Variants in HDAC9 observed in about 807,000 individuals in gnomAD.
The protein encoded by HDAC9 is MEF-2 interacting transcription repressor (MITR) protein.
Under a neutral mutation model 139.4 loss-of-function variants are expected in HDAC9, and 41 were observed. The observed-to-expected ratio is 0.29, with a 90% CI of 0.23 to 0.38. The LOEUF (loss-of-function observed/expected upper bound fraction) is 0.38, where lower values mean the gene tolerates loss of function less well. HDAC9 is among the 10% of genes least tolerant of loss of function. The pLI is 1.00. For synonymous variants in HDAC9, 517 were observed against 476.2 expected (o/e 1.09, Z -1.12); for missense variants, 1,147 against 1,297.0 (o/e 0.88, Z 1.78).
At chr7:18,519,980 C>T (rs1400662890) in intron 2 of HDAC9, among the ~76,000 whole-genome samples, 2 of 151,860 alleles carry the variant, frequency 1.3e-5, no homozygotes, top group South Asian at 2.1e-4. Context: ...GTATACAGTA[C>T]ATATAGCATA....
intron 1 of HDAC9, among the ~76,000 whole-genome samples, chr7:18,304,139 G>T (rs148435171): frequency 1.3e-5 from 2 of 152,304 alleles, no homozygotes; most frequent in African/African-American, 4.8e-5. Flanking sequence ...TGGTACTATT[G>T]TGAGATTATA....
At chr7:18,708,710 C>T (rs1316704106) in intron 12 of HDAC9, among the ~76,000 whole-genome samples, 10 of 152,068 alleles carry the variant, frequency 6.6e-5, no homozygotes, top group South Asian at 2.1e-4. Context: ...GAATATTGGA[C>T]GGCAAGATTC....
chr7:18,320,112 G>A (rs371994573), intron 1 of HDAC9, among the ~76,000 whole-genome samples: 28 of 152,256 alleles, frequency 1.8e-4, no homozygotes, highest in Non-Finnish European at 2.9e-4. Flanking sequence ...CAGCAAATCC[G>A]TGGATGAAAT....
chr7:18,926,965 C>G (rs974323696), intron 22 of HDAC9, among the ~76,000 whole-genome samples: 1 of 152,026 alleles, frequency 6.6e-6, no homozygotes, highest in African/African-American at 2.4e-5. Flanking sequence ...TGGTAATAAT[C>G]TCCATATTTC....
At chr7:18,779,183 A>G (rs10280633) in intron 16 of HDAC9, among the ~76,000 whole-genome samples, 116,882 of 152,010 alleles carry the variant, frequency 0.77, 45,632 homozygotes, top group Non-Finnish European at 0.83. Context: ...CTTCCTTCCA[A>G]TGTTGAACAA....
At chr7:18,401,585 G>C (rs771780791) in intron 1 of HDAC9, among the ~76,000 whole-genome samples, 9 of 152,200 alleles carry the variant, frequency 5.9e-5, no homozygotes, top group Non-Finnish European at 1.0e-4. Context: ...TGCCTCAGCA[G>C]AACTGGATAG....
chr7:18,290,299 G>A (rs528229112), upstream of HDAC9: 2 of 358,286 alleles, frequency 5.6e-6, no homozygotes, highest in East Asian at 1.5e-4. Flanking sequence ...AAGTCGTTCA[G>A]TAGCAGGGCA....
chr7:18,608,753 ATAAATAT>A, intron 6 of HDAC9, among the ~76,000 whole-genome samples: 1 of 152,316 alleles, frequency 6.6e-6, no homozygotes, highest in African/African-American at 2.4e-5. Flanking sequence ...GGGCCTGGAC[ATAAATAT>A]TAAATAAACC....
At chr7:18,393,751 T>C (rs1562947738) in intron 1 of HDAC9, among the ~76,000 whole-genome samples, 1 of 152,188 alleles carries the variant, frequency 6.6e-6, no homozygotes, top group Non-Finnish European at 1.5e-5. Context: ...TTTGATTTTT[T>C]GTGTTTTGTG....
At chr7:18,413,733 G>C (rs1788787485) in intron 1 of HDAC9, among the ~76,000 whole-genome samples, 1 of 152,076 alleles carries the variant, frequency 6.6e-6, no homozygotes, top group Admixed American at 6.5e-5. Context: ...TCACTATTCT[G>C]TATACTGTAC....
upstream of HDAC9, among the ~76,000 whole-genome samples, chr7:18,289,925 C>T (rs1410194668): frequency 6.6e-6 from 1 of 151,988 alleles, no homozygotes. Context: ...TAGTAAGCTT[C>T]AGAGAAAGAA....
intron 2 of HDAC9, among the ~76,000 whole-genome samples, chr7:18,284,093 C>G (rs1797279110): frequency 6.6e-6 from 1 of 152,066 alleles, no homozygotes; most frequent in Non-Finnish European, 1.5e-5. Context: ...ATAAAGAAGT[C>G]CAGGAGGCCA....
intron 17 of HDAC9, among the ~76,000 whole-genome samples, chr7:18,823,675 G>T (rs532425711): frequency 2.5e-4 from 38 of 152,154 alleles, no homozygotes; most frequent in African/African-American, 8.2e-4. Context: ...AGATAGGCTG[G>T]TACTGTTGTA....
At chr7:18,747,930 G>A (rs561106286) in intron 13 of HDAC9, among the ~76,000 whole-genome samples, 19 of 152,248 alleles carry the variant, frequency 1.2e-4, no homozygotes, top group African/African-American at 3.6e-4. Flanking sequence ...TTCTTTTACA[G>A]CATAAATTAC....
chr7:18,282,312 G>A (rs1429801184), intron 2 of HDAC9, among the ~76,000 whole-genome samples: 4 of 152,144 alleles, frequency 2.6e-5, no homozygotes, highest in Non-Finnish European at 4.4e-5. Context: ...TTTTGTAAAT[G>A]AGAAATAAAG....
chr7:18,602,344 CT>C (rs959295443), intron 6 of HDAC9, among the ~76,000 whole-genome samples: 18 of 151,248 alleles, frequency 1.2e-4, no homozygotes, highest in African/African-American at 4.1e-4. Context: ...TTCTCTCTTA[CT>C]TTTTTTTTCC....
chr7:18,451,558 C>T (rs1343212882), intron 1 of HDAC9, among the ~76,000 whole-genome samples: 1 of 151,744 alleles, frequency 6.6e-6, no homozygotes, highest in African/African-American at 2.4e-5. Flanking sequence ...TTATACAGTA[C>T]AGATCTGACA....
rs2129031687 is a variant in HDAC9 at position 18,648,568 on chromosome 7, G to A, written c.1352G>A (p.Arg451Gln). ...TTGCCCCGTCACAGACCCCTGAACCGAACCCAGTCTGCACCTTTGCCTCAG... is the reference window on the plus strand; with the variant it reads ...TTGCCCCGTCACAGACCCCTGAACCAAACCCAGTCTGCACCTTTGCCTCAG... ...HKLPRHRPLN[R>Q]TQSAPLPQST... Residue 451 changes from arginine to glutamine, a missense_variant, in exon 11 of 26, where the codon CGA (arginine) becomes CAA (glutamine). By Grantham distance (43) the Arg-to-Gln change is conservative. Coordinates refer to ENST00000686413, the MANE Select transcript of HDAC9 (RefSeq NM_178425.4). The A allele has an allele frequency of 1.2e-6, 2 of 1,613,490 alleles. No homozygotes were observed. The highest frequency in any genetic ancestry group is 1.7e-6 in the Non-Finnish European group (2 of 1,179,726).
chr7:18,877,266 A>G (rs1054290982), intron 22 of HDAC9, among the ~76,000 whole-genome samples: 1 of 152,120 alleles, frequency 6.6e-6, no homozygotes, highest in East Asian at 1.9e-4. Context: ...AACACTCCCC[A>G]CTTGGTATCT....
Sources: allele counts gnomAD v4.1 joint callset (sites outside exome capture counted in the v4.1 genomes callset), GRCh38; gene constraint gnomAD v4.1.1; transcripts MANE v1.5; gene names NCBI Gene and HGNC (gene_info 2026-07-23, HGNC 2026-07-21).